Variants in PCDH9 observed in about 807,000 individuals in gnomAD.
PCDH9 encodes the protein protocadherin-9.
PCDH9 carries 24 observed loss-of-function variants against 70.6 expected under a neutral mutation model. That is an observed-to-expected ratio of 0.34 (90% CI 0.25 to 0.48). The LOEUF (loss-of-function observed/expected upper bound fraction) is 0.48. Ranked by LOEUF, PCDH9 falls within the 20% of genes least tolerant of loss-of-function variation. The probability of loss-of-function intolerance (pLI) is 0.99; values close to 1 mark genes in which losing one functional copy is unlikely to be tolerated. For synonymous variants in PCDH9, 562 were observed against 558.5 expected (o/e 1.01, Z -0.09); for missense variants, 1,281 against 1,503.6 (o/e 0.85, Z 2.45).
At chr13:67,165,475 A>G (rs1366366574) in intron 2 of PCDH9, among the ~76,000 whole-genome samples, 11 of 152,128 alleles carry the variant, frequency 7.2e-5, no homozygotes, top group Non-Finnish European at 2.9e-5. Context: ...ATATTCCAAT[A>G]CTTACCTCAT....
chr13:67,055,840 A>G (rs2085409020), intron 2 of PCDH9, among the ~76,000 whole-genome samples: 1 of 152,072 alleles, frequency 6.6e-6, no homozygotes. Flanking sequence ...TTGTCTAAAT[A>G]CAAACAGTGC....
chr13:66,514,254 G>T (rs116498222), intron 4 of PCDH9, among the ~76,000 whole-genome samples: 2,290 of 152,166 alleles, frequency 0.015, 43 homozygotes, highest in African/African-American at 0.053. Flanking sequence ...CATATCCCAA[G>T]TCCCTAATGT....
intron 2 of PCDH9, among the ~76,000 whole-genome samples, chr13:67,080,253 TTAA>T (rs1157424042): frequency 6.6e-6 from 1 of 152,210 alleles, no homozygotes; most frequent in East Asian, 1.9e-4. Flanking sequence ...TTTTAGTAAA[TTAA>T]TAACATTTAT....
intron 4 of PCDH9, among the ~76,000 whole-genome samples, chr13:66,369,336 A>G (rs1256688015): frequency 1.3e-5 from 2 of 152,146 alleles, no homozygotes; most frequent in South Asian, 4.1e-4. Flanking sequence ...TTGATATACC[A>G]CTTATACTAA....
intron 4 of PCDH9, among the ~76,000 whole-genome samples, chr13:66,428,309 G>A (rs550369413): frequency 1.3e-5 from 2 of 151,742 alleles, no homozygotes; most frequent in East Asian, 3.9e-4. Flanking sequence ...ACTATGTTGG[G>A]TTTATTAATA....
chr13:67,131,826 G>A (rs1005077560), intron 2 of PCDH9, among the ~76,000 whole-genome samples: 2 of 152,084 alleles, frequency 1.3e-5, no homozygotes, highest in African/African-American at 4.8e-5. Flanking sequence ...AACAAGTGTC[G>A]TTGAGACAGA....
At chr13:67,066,981 T>C in intron 2 of PCDH9, among the ~76,000 whole-genome samples, 1 of 152,190 alleles carries the variant, frequency 6.6e-6, no homozygotes. Flanking sequence ...CTCAATAGCA[T>C]TGTTGCCTAT....
At chr13:66,648,341 A>C (rs1444926905) in intron 3 of PCDH9, among the ~76,000 whole-genome samples, 1 of 152,188 alleles carries the variant, frequency 6.6e-6, no homozygotes, top group African/African-American at 2.4e-5. Context: ...CTCCTCCAGC[A>C]CCAGGCAGCT....
At chr13:66,580,335 A>C (rs1043266581) in intron 4 of PCDH9, among the ~76,000 whole-genome samples, 1 of 151,936 alleles carries the variant, frequency 6.6e-6, no homozygotes, top group Non-Finnish European at 1.5e-5. Flanking sequence ...GAGGCCTAGG[A>C]TCTAGTGTTA....
chr13:66,659,696 C>T (rs1053934921), intron 3 of PCDH9, among the ~76,000 whole-genome samples: 3 of 151,874 alleles, frequency 2.0e-5, no homozygotes, highest in East Asian at 1.9e-4. Flanking sequence ...TCTGTTACTG[C>T]TTCTGCCTGC....
intron 3 of PCDH9, among the ~76,000 whole-genome samples, chr13:66,850,555 A>T (rs2081299597): frequency 6.6e-6 from 1 of 151,942 alleles, no homozygotes. Context: ...TTAGCAACAT[A>T]ATAGGAAAAG....
At chr13:67,210,081 T>C (rs999865320) in intron 2 of PCDH9, 3 of 152,074 alleles carry the variant, frequency 2.0e-5, no homozygotes, top group African/African-American at 7.2e-5. Flanking sequence ...TTAACAAAAG[T>C]TGAAATATGC....
At chr13:66,465,440 C>T (rs1454894363) in intron 4 of PCDH9, among the ~76,000 whole-genome samples, 1 of 151,826 alleles carries the variant, frequency 6.6e-6, no homozygotes, top group African/African-American at 2.4e-5. Context: ...GCCAGTTAAA[C>T]ACATACAAAA....
rs546350994 is a variant in PCDH9, at chr13:66,960,075, T to A, written c.3037-56470A>T. Among the ~76,000 whole-genome samples the A allele has an allele frequency of 4.6e-5, 7 of 152,316 alleles. 1 individual carries two copies. The South Asian group carries it at 1.0e-3, about 23-fold the overall frequency. ...CTCAGAGAATTATCTGAAAGCTTTGTTTGCAAATTGACTGACATGCAAGAA... is the reference window on the plus strand; with the variant it reads ...CTCAGAGAATTATCTGAAAGCTTTGATTGCAAATTGACTGACATGCAAGAA... On this transcript the variant is annotated intron_variant, in intron 2 of 4. Coordinates refer to ENST00000377865, the MANE Select transcript of PCDH9 (RefSeq NM_203487.3).
At chr13:67,124,161 C>T (rs1260768064) in intron 2 of PCDH9, among the ~76,000 whole-genome samples, 1 of 151,964 alleles carries the variant, frequency 6.6e-6, no homozygotes, top group Non-Finnish European at 1.5e-5. Context: ...TAAACATTGT[C>T]GAAGGAGTGT....
rs771250660 is a variant in PCDH9, at chr13:66,441,849, AT to A, written c.3341-136822del. On this transcript the variant is annotated intron_variant, in intron 4 of 4. Transcript: ENST00000377865. ...CATTTTTATGACTTCTTAGTACTAC[AT>A]TTCTTCACTAGTATACAGTTTCTGG... is the stretch of plus-strand genomic sequence containing the variant. Among the ~76,000 whole-genome samples, 8 of 152,236 alleles carry A rather than the reference AT, an allele frequency of 5.3e-5. No homozygotes were observed. In the East Asian group the frequency reaches 1.5e-3, roughly 29 times the overall value.
intron 2 of PCDH9, among the ~76,000 whole-genome samples, chr13:66,918,986 ATT>A (rs1423206894): frequency 1.3e-5 from 2 of 151,178 alleles, no homozygotes; most frequent in Non-Finnish European, 3.0e-5. Flanking sequence ...GAAAGCCATC[ATT>A]CTTTTTTTCT....
chr13:67,228,926 T>C (rs1283801682), intron 1 of PCDH9, among the ~76,000 whole-genome samples: 1 of 152,236 alleles, frequency 6.6e-6, no homozygotes, highest in Non-Finnish European at 1.5e-5. Flanking sequence ...CCTCAGTCTT[T>C]TCAGGTGCAA....
intron 3 of PCDH9, among the ~76,000 whole-genome samples, chr13:66,822,520 C>CGGAGTCTTGCTCTGTCACCTAGGCTGGAG (rs1223557952): frequency 8.3e-6 from 1 of 121,016 alleles, no homozygotes; most frequent in Non-Finnish European, 1.6e-5. Context: ...TTTTTTGAGA[C>CGGAGTCTTGCTCTGTCACCTAGGCTGGAG]GGAGTCTTGC....
Sources: allele counts gnomAD v4.1 joint callset (sites outside exome capture counted in the v4.1 genomes callset), GRCh38; gene constraint gnomAD v4.1.1; transcripts MANE v1.5; gene names NCBI Gene and HGNC (gene_info 2026-07-23, HGNC 2026-07-21).